GRAMD1A: variants seen among roughly 807,000 people sequenced by gnomAD.
GRAMD1A encodes the protein GRAM domain containing 1A.
In GRAMD1A, 50 loss-of-function variants were observed where a neutral mutation model predicts 92.0. The observed-to-expected ratio is 0.54, with a 90% confidence interval of 0.43 to 0.69. The LOEUF (loss-of-function observed/expected upper bound fraction) is 0.69. Among genes scored for constraint, GRAMD1A ranks in the 30% least tolerant of loss-of-function variants. GRAMD1A has a pLI of 0.00. For synonymous variants in GRAMD1A, 405 were observed against 403.6 expected (o/e 1.00, Z -0.04); for missense variants, 819 against 978.9 (o/e 0.84, Z 2.18).
At chr19:34,995,958 G>C, upstream of GRAMD1A, 1 of 1,368,712 alleles carries the variant, frequency 7.3e-7, no homozygotes, top group African/African-American at 1.4e-5. Context: ...GCTTAAGCGG[G>C]AGCTCTATCC....
At chr19:35,004,660 G>C (rs1333397388) in intron 1 of GRAMD1A, among the ~76,000 whole-genome samples, 1 of 152,070 alleles carries the variant, frequency 6.6e-6, no homozygotes, top group African/African-American at 2.4e-5. Flanking sequence ...CTGGAGTTGA[G>C]GGTCAGTCAT....
chr19:35,021,819 C>A lies in GRAMD1A; in HGVS notation c.1708C>A (p.His570Asn), dbSNP rs774913699. ...SWRAHGDGPQHPDPDPCARAG... is the reference protein window; with the variant it reads ...SWRAHGDGPQNPDPDPCARAG... ...GCGGGCTCACGGGGACGGGCCCCAG[C>A]ACCCAGATCCTGACCCCTGTGCCCG... is the stretch of plus-strand genomic sequence containing the variant. The change falls in exon 15 of 20, where the codon CAC becomes AAC. Residue 570 changes from histidine to asparagine, a missense_variant. Around this residue, in one of 3 missense-constraint regions of GRAMD1A, gnomAD observed 577 missense variants for 674.6 expected, o/e 0.86. Transcript: ENST00000317991. The surrounding 1 kb of genome is among the most constrained non-coding windows in gnomAD (Gnocchi z 5.3). 46 of 1,607,262 alleles carry A rather than the reference C, an allele frequency of 2.9e-5. No individual in the cohort carries two copies. The highest frequency in any genetic ancestry group is 3.7e-5 in the Non-Finnish European group (43 of 1,176,764).
intron 19 of GRAMD1A, chr19:35,023,796 G>A (rs1430078595): frequency 9.5e-6 from 4 of 420,232 alleles, no homozygotes; most frequent in Non-Finnish European, 1.7e-5. Context: ...GCACGGCCGG[G>A]TTTGGTCACT....
At chr19:34,999,710 G>C (rs2014208105), upstream of GRAMD1A, among the ~76,000 whole-genome samples, 1 of 152,222 alleles carries the variant, frequency 6.6e-6, no homozygotes. Flanking sequence ...CCCAGCACTG[G>C]GGTGATGAGC....
chr19:35,022,776 C>G (rs2016157326), intron 16 of GRAMD1A, 124 bp from the exon 17 acceptor site: 9 of 804,672 alleles, frequency 1.1e-5, no homozygotes, highest in Non-Finnish European at 1.2e-5. Flanking sequence ...GCTCTCAGCT[C>G]TCATCCAGTG....
Position 35,000,921 on chromosome 19 carries a change from G to C in GRAMD1A, c.8+435G>C, listed in dbSNP as rs1368005720. Among the ~76,000 whole-genome samples, 1 of 152,074 alleles carries C rather than the reference G, an allele frequency of 6.6e-6. No individual in the cohort carries two copies. The highest frequency in any genetic ancestry group is 1.5e-5 in the Non-Finnish European group (1 of 67,980). Reference sequence around the variant, plus strand: ...CAGGCCGCGGAGCCCTGGGCGCGCCGGGAGTAGGCAGCCCCCTCCTGCCTG... The same window carrying C: ...CAGGCCGCGGAGCCCTGGGCGCGCCCGGAGTAGGCAGCCCCCTCCTGCCTG... On this transcript the variant is annotated intron_variant, in intron 1 of 19. Transcript: ENST00000317991. The surrounding 1 kb of genome is among the most constrained non-coding windows in gnomAD (Gnocchi z 4.9).
At chr19:34,996,885 A>T (rs2014059446), upstream of GRAMD1A, among the ~76,000 whole-genome samples, 1 of 151,286 alleles carries the variant, frequency 6.6e-6, no homozygotes, top group African/African-American at 2.4e-5. Context: ...GACCCATTTA[A>T]GGGCCATAAA....
At chr19:35,020,065 A>C (rs1244567948) in intron 13 of GRAMD1A, among the ~76,000 whole-genome samples, 1 of 152,046 alleles carries the variant, frequency 6.6e-6, no homozygotes, top group Non-Finnish European at 1.5e-5. Flanking sequence ...GCTGGAGTGG[A>C]GTAAGATTGA....
At position 35,019,399 on chromosome 19, in the gene GRAMD1A, C is replaced by G. The variant is rs532310369; in HGVS notation, c.1341C>G (p.Phe447Leu). The G allele has an allele frequency of 2.5e-6, 4 of 1,613,802 alleles. No homozygotes were observed. The South Asian group carries it at 3.3e-5, about 13-fold the overall frequency. Residue 447 changes from phenylalanine (F) to leucine (L), a missense_variant, in exon 13 of 20, where the codon TTC becomes TTG. Around this residue, in one of 3 missense-constraint regions of GRAMD1A, gnomAD observed 577 missense variants for 674.6 expected, o/e 0.86. Coordinates refer to ENST00000317991, the MANE Select transcript of GRAMD1A (RefSeq NM_020895.5). ...CGGCTCTGTCCCTGCAGACGCTGTT[C>G]CGGCGCGGCCCCCAGGCCGGCGGGT... ...SASVVETQTL[F>L]RRGPQAGGCV...
chr19:35,003,885 C>T (rs1415003306), intron 1 of GRAMD1A, among the ~76,000 whole-genome samples: 1 of 152,206 alleles, frequency 6.6e-6, no homozygotes, highest in East Asian at 1.9e-4. Flanking sequence ...GTTCTTTGTC[C>T]TCAGGTGAAC....
At chr19:34,995,119 G>A (rs529773619) in intron 1 of GRAMD1A, among the ~76,000 whole-genome samples, 1 of 152,294 alleles carries the variant, frequency 6.6e-6, no homozygotes, top group African/African-American at 2.4e-5. Context: ...CTTGGGAGGG[G>A]CAACTGCTAA....
At chr19:35,004,507 T>C (rs189194650) in intron 1 of GRAMD1A, among the ~76,000 whole-genome samples, 83 of 152,310 alleles carry the variant, frequency 5.4e-4, no homozygotes, top group Admixed American at 1.4e-3. Context: ...TTCACCAGTG[T>C]CTGAGGTCGC....
intron 13 of GRAMD1A, 25 bp downstream of exon 13, chr19:35,019,558 C>T (rs1269142735): frequency 1.9e-6 from 3 of 1,611,420 alleles, no homozygotes; most frequent in East Asian, 2.2e-5. Flanking sequence ...GGCCCCTCCA[C>T]CCGATGCCCT....
upstream of GRAMD1A, chr19:35,000,237 C>T (rs1187866801): frequency 2.0e-6 from 2 of 1,024,140 alleles, no homozygotes; most frequent in African/African-American, 1.7e-5. The surrounding 1 kb of genome is among the most constrained non-coding windows in gnomAD (Gnocchi z 4.9). Context: ...CCTTCCCTCC[C>T]GGGCTGGGGG....
intron 7 of GRAMD1A, 74 bp downstream of exon 7, chr19:35,011,628 G>C: frequency 1.8e-6 from 2 of 1,103,054 alleles, no homozygotes; most frequent in East Asian, 2.3e-5. Flanking sequence ...CCCAGAACTT[G>C]CGGAGCTGGA....
Position 35,023,276 on chromosome 19 carries a change from C to T in GRAMD1A, c.1894C>T (p.Arg632Cys), listed in dbSNP as rs751912479. 110 of 1,614,034 alleles carry T rather than the reference C, an allele frequency of 6.8e-5. No homozygotes were observed. Among genetic ancestry groups the T allele is most frequent in the East Asian group, 5.6e-4 (25 of 44,882 alleles). Residue 632 changes from arginine (R) to cysteine (C), a missense_variant, in exon 18 of 20, where the codon CGC becomes TGC. Coordinates refer to ENST00000317991, the MANE Select transcript of GRAMD1A (RefSeq NM_020895.5). Reference sequence around the variant, plus strand: ...CGCCCTCAACGTCCTGCTCTTCTACCGCCTCTGGTCCCTGGAAAGGACAGC... The same window carrying T: ...CGCCCTCAACGTCCTGCTCTTCTACTGCCTCTGGTCCCTGGAAAGGACAGC... The part of the protein sequence containing the change: ...LIALNVLLFY[R>C]LWSLERTAHT...
intron 1 of GRAMD1A, among the ~76,000 whole-genome samples, chr19:34,995,315 C>T (rs2013982159): frequency 6.6e-6 from 1 of 152,214 alleles, no homozygotes; most frequent in Non-Finnish European, 1.5e-5. Flanking sequence ...AGGCCTCCCA[C>T]AGATGAGAGA....
Position 35,013,199 on chromosome 19 carries a change from C to G in GRAMD1A, c.607-57C>G. On this transcript the variant is annotated intron_variant, in intron 7 of 19. Transcript: ENST00000317991. This position sits in a 1 kb window ranked among gnomAD's most constrained non-coding sequence, Gnocchi z 4.9. ...GGCCGAGGGCTGGTGGGGAATCTGG[C>G]GGGCCGGGCTCTGGCTGGGGTGAGA... 1 of 912,086 alleles carries G rather than the reference C, an allele frequency of 1.1e-6. No individual in the cohort carries two copies. The highest frequency in any genetic ancestry group is 1.6e-5 in the African/African-American group (1 of 61,222). The allele number at this position is 912,086 out of a possible 1,614,324, so 56.5% of individuals were successfully genotyped here.
At chr19:35,004,402 G>T (rs58718195) in intron 1 of GRAMD1A, among the ~76,000 whole-genome samples, 8,237 of 152,196 alleles carry the variant, frequency 0.054, 745 homozygotes, top group African/African-American at 0.19. Flanking sequence ...GATTCAGAAG[G>T]TTGGGAGTGG....
Sources: gnomAD v4.1 joint callset for allele counts (sites outside exome capture counted in the v4.1 genomes callset) on GRCh38, gnomAD v4.1.1 for gene constraint, gnomAD v4.1.1 regional missense constraint, Gnocchi (gnomAD v3.1) non-coding constraint, MANE v1.5 for transcripts, NCBI Gene and HGNC (gene_info 2026-07-23, HGNC 2026-07-21) for gene names.